FNIP1: variants seen among roughly 807,000 people sequenced by gnomAD.
The protein encoded by FNIP1 is folliculin interacting protein 1, also known as folliculin-interacting protein 1.
FNIP1 carries 40 observed loss-of-function variants against 124.5 expected under a neutral mutation model. The observed-to-expected ratio is 0.32, with a 90% CI of 0.25 to 0.42. The LOEUF (loss-of-function observed/expected upper bound fraction) is 0.42, where lower values mean the gene tolerates loss of function less well. FNIP1 is among the 10% of genes least tolerant of loss of function. The pLI, the probability that FNIP1 is intolerant of heterozygous loss-of-function variation, is 1.00. For synonymous variants in FNIP1, 472 were observed against 470.6 expected, an observed-to-expected ratio of 1.00 and a Z score of -0.04; for missense variants, 1,176 against 1,403.7, an observed-to-expected ratio of 0.84 and a Z score of 2.59.
At chr5:131,679,714 A>C (rs1768018219) in intron 11 of FNIP1, among the ~76,000 whole-genome samples, 1 of 152,196 alleles carries the variant, frequency 6.6e-6, no homozygotes, top group South Asian at 2.1e-4. Context: ...TGACTCTCTC[A>C]ACCTTCTACA....
intron 6 of FNIP1, among the ~76,000 whole-genome samples, chr5:131,713,114 T>A (rs1490114904): frequency 6.6e-6 from 1 of 152,124 alleles, no homozygotes; most frequent in Non-Finnish European, 1.5e-5. Context: ...AGTGGCACGA[T>A]CTTGGCTCAC....
intron 13 of FNIP1, among the ~76,000 whole-genome samples, chr5:131,674,533 G>A (rs1284008653): frequency 6.6e-6 from 1 of 151,610 alleles, no homozygotes; most frequent in Non-Finnish European, 1.5e-5. Flanking sequence ...TGGGCAACAT[G>A]GCGAAACCCT....
At chr5:131,782,928 G>A (rs1024318495) in intron 1 of FNIP1, among the ~76,000 whole-genome samples, 1 of 152,222 alleles carries the variant, frequency 6.6e-6, no homozygotes, top group Non-Finnish European at 1.5e-5. Flanking sequence ...CTCCCGACGT[G>A]CTGGGATTAC....
intron 15 of FNIP1, among the ~76,000 whole-genome samples, chr5:131,666,256 A>T (rs894555058): frequency 6.6e-6 from 1 of 152,190 alleles, no homozygotes; most frequent in Non-Finnish European, 1.5e-5. Context: ...ACAACTTGTC[A>T]GTGCTGAGAT....
rs1767744489 is a variant in FNIP1, at chr5:131,671,412, G to A, written c.2939+93C>T. On this transcript the variant is annotated intron_variant, in intron 14 of 17. Transcript: ENST00000510461. ...AAACAAGAGAGCTATCCAGAACAAT[G>A]ATCTCTTTTATACTAACCTTCAGAG... 2.9e-6 allele frequency: 3 copies of A among 1,031,982 alleles called. No individual in the cohort carries two copies. In the Admixed American group the frequency reaches 7.0e-5, roughly 24 times the overall value. 63.9% of individuals were successfully genotyped at this position (1,031,982 alleles called of 1,614,324 possible).
chr5:131,789,920 A>G (rs777470240), intron 1 of FNIP1, among the ~76,000 whole-genome samples: 4 of 152,208 alleles, frequency 2.6e-5, no homozygotes, highest in Non-Finnish European at 5.9e-5. Context: ...AATACTAACC[A>G]TACACACAAA....
chr5:131,718,859 T>C (rs1030215224), intron 5 of FNIP1, 127 bp downstream of exon 5: 23 of 664,562 alleles, frequency 3.5e-5, no homozygotes, highest in Non-Finnish European at 1.3e-5. Context: ...CTGGCTTCCA[T>C]GAACTTTTAA....
chr5:131,761,330 A>G (rs948836516), intron 1 of FNIP1, among the ~76,000 whole-genome samples: 3 of 152,206 alleles, frequency 2.0e-5, no homozygotes, highest in African/African-American at 2.4e-5. Flanking sequence ...GAAGAAGTCA[A>G]ATTAAGCTTG....
At chr5:131,733,897 A>C (rs1770191956) in intron 2 of FNIP1, among the ~76,000 whole-genome samples, 1 of 152,182 alleles carries the variant, frequency 6.6e-6, no homozygotes, top group African/African-American at 2.4e-5. Context: ...TAGTTTCAGA[A>C]GGAATGGTAC....
chr5:131,785,386 C>T (rs933773821), intron 1 of FNIP1, among the ~76,000 whole-genome samples: 1 of 151,426 alleles, frequency 6.6e-6, no homozygotes, highest in African/African-American at 2.4e-5. Context: ...GAAACCCCGC[C>T]GCTACTAAAA....
Position 131,681,575 on chromosome 5 carries a change from C to T in FNIP1, c.1203-2400G>A, listed in dbSNP as rs1006341832. Among the ~76,000 whole-genome samples, 10 of 151,400 alleles carry T rather than the reference C, an allele frequency of 6.6e-5. No individual in the cohort carries two copies. In the East Asian group the frequency reaches 1.5e-3, roughly 23 times the overall value. On this transcript the variant is annotated intron_variant, in intron 11 of 17. Coordinates refer to ENST00000510461, the MANE Select transcript of FNIP1 (RefSeq NM_133372.3). ...AACTTTTAAACAAAACTCTAATGTA[C>T]ATTAAAATTAAAGAGTATGGTAGAG...
chr5:131,783,504 G>C (rs1199555817), intron 1 of FNIP1, among the ~76,000 whole-genome samples: 1 of 150,968 alleles, frequency 6.6e-6, no homozygotes, highest in African/African-American at 2.4e-5. Flanking sequence ...ACTGTCCCTG[G>C]AGGATCTAAA....
intron 11 of FNIP1, among the ~76,000 whole-genome samples, chr5:131,681,206 A>G (rs772324535): frequency 3.3e-5 from 5 of 152,164 alleles, no homozygotes; most frequent in Non-Finnish European, 7.3e-5. Flanking sequence ...GATATAGAGT[A>G]TATCTTGTAG....
chr5:131,662,568 G>C (rs530716777), intron 15 of FNIP1, among the ~76,000 whole-genome samples: 1 of 152,152 alleles, frequency 6.6e-6, no homozygotes, highest in Non-Finnish European at 1.5e-5. Context: ...CCCTCCCACA[G>C]TGGTGGGTGG....
chr5:131,661,596 G>A (rs927833465), intron 15 of FNIP1, among the ~76,000 whole-genome samples: 1 of 152,094 alleles, frequency 6.6e-6, no homozygotes, highest in Admixed American at 6.6e-5. Context: ...ATGGTCTCTC[G>A]CCCCTCTCCC....
intron 10 of FNIP1, among the ~76,000 whole-genome samples, chr5:131,701,231 C>G (rs1271218474): frequency 6.6e-6 from 1 of 152,186 alleles, no homozygotes; most frequent in Admixed American, 6.5e-5. Context: ...ACCTCCCCAG[C>G]CCCATCCGTG....
At chr5:131,645,998 T>C (rs1402625158) in intron 17 of FNIP1, among the ~76,000 whole-genome samples, 6 of 152,212 alleles carry the variant, frequency 3.9e-5, no homozygotes, top group African/African-American at 1.2e-4. Flanking sequence ...CTTTTCATTG[T>C]ATGCCAAAAT....
intron 15 of FNIP1, among the ~76,000 whole-genome samples, chr5:131,657,758 A>AAAAC (rs1767248419): frequency 4.0e-5 from 6 of 148,510 alleles, no homozygotes; most frequent in African/African-American, 1.5e-4. Context: ...AAAAAAAAAA[A>AAAAC]CGGTGGGTGA....
intron 1 of FNIP1, among the ~76,000 whole-genome samples, chr5:131,751,091 T>C (rs1770858567): frequency 6.6e-6 from 1 of 152,176 alleles, no homozygotes; most frequent in Admixed American, 6.5e-5. Flanking sequence ...GTAAAGCTCT[T>C]CATGGGCTGG....
Sources: gnomAD v4.1 joint callset for allele counts (sites outside exome capture counted in the v4.1 genomes callset) on GRCh38, gnomAD v4.1.1 for gene constraint, MANE v1.5 for transcripts, NCBI Gene and HGNC (gene_info 2026-07-23, HGNC 2026-07-21) for gene names.